DDR2: variants seen among roughly 807,000 people sequenced by gnomAD.
DDR2 encodes discoidin domain-containing receptor 2.
DDR2 carries 27 observed loss-of-function variants against 94.9 expected under a neutral mutation model. The observed-to-expected ratio is 0.28, with a 90% CI of 0.21 to 0.39. The LOEUF is 0.39. Ranked by LOEUF, DDR2 falls within the 10% of genes least tolerant of loss-of-function variation. The probability of loss-of-function intolerance (pLI) is 1.00; values close to 1 mark genes in which losing one functional copy is unlikely to be tolerated. For missense variants in DDR2, 783 were observed against 1,076.0 expected (o/e 0.73, Z 3.81); for synonymous variants, 382 against 377.2 (o/e 1.01, Z -0.15).
At chr1:162,767,445 G>A in intron 11 of DDR2, 86 bp downstream of exon 11, 2 of 1,553,842 alleles carry the variant, frequency 1.3e-6, no homozygotes, top group Non-Finnish European at 1.7e-6. Flanking sequence ...AAGGCAAATT[G>A]CAAACATTTA....
At chr1:162,741,727 A>G (rs993087130) in intron 3 of DDR2, 80 of 985,256 alleles carry the variant, frequency 8.1e-5, no homozygotes, top group Non-Finnish European at 9.5e-5. Context: ...GTGAAGTTCT[A>G]CATTATTAGT....
At chr1:162,640,435 G>A (rs766240291) in intron 1 of DDR2, among the ~76,000 whole-genome samples, 31 of 152,266 alleles carry the variant, frequency 2.0e-4, no homozygotes, top group Non-Finnish European at 3.7e-4. Flanking sequence ...TCAATAGTGA[G>A]GGAGGTTTTG....
rs1400480847 is a variant in DDR2 at position 162,754,997 on chromosome 1, G to A, written c.417+142G>A. ...CTTGTAAATGTGTGACCCAGGGTGA[G>A]GGAGGCAGGGAAGGAATATCAAGGC... On this transcript the variant is annotated intron_variant, in intron 5 of 17. Transcript: ENST00000367921. 5.7e-6 allele frequency: 8 copies of A among 1,411,408 alleles called. No individual in the cohort carries two copies. In the East Asian group the frequency reaches 1.7e-4, roughly 29 times the overall value. The allele number at this position is 1,411,408 out of a possible 1,614,324, so 87.4% of individuals were successfully genotyped here. A position where few individuals can be genotyped will look rare whatever the true frequency, so the allele number is the denominator to read the frequency against.
At chr1:162,633,407 G>T (rs1656655100) in intron 1 of DDR2, among the ~76,000 whole-genome samples, 1 of 152,204 alleles carries the variant, frequency 6.6e-6, no homozygotes, top group Non-Finnish European at 1.5e-5. Flanking sequence ...GTTCAAGCCA[G>T]TAGGGGGTTC....
chr1:162,725,228 T>C (rs913080516), intron 3 of DDR2, among the ~76,000 whole-genome samples: 2 of 152,158 alleles, frequency 1.3e-5, no homozygotes, highest in Non-Finnish European at 2.9e-5. Flanking sequence ...CAAGAAACAT[T>C]AGGTAACTCA....
At chr1:162,744,534 T>A (rs1349918454) in intron 3 of DDR2, among the ~76,000 whole-genome samples, 1 of 152,220 alleles carries the variant, frequency 6.6e-6, no homozygotes, top group African/African-American at 2.4e-5. Context: ...ATTATCATTA[T>A]ACTTTAAGTT....
At chr1:162,709,974 G>A (rs890258171) in intron 2 of DDR2, among the ~76,000 whole-genome samples, 1 of 152,172 alleles carries the variant, frequency 6.6e-6, no homozygotes, top group Admixed American at 6.5e-5. Flanking sequence ...AAATGAAGAC[G>A]TTAGATTTGA....
intron 2 of DDR2, among the ~76,000 whole-genome samples, chr1:162,665,315 CTG>C (rs910986890): frequency 5.3e-5 from 8 of 152,226 alleles, no homozygotes; most frequent in African/African-American, 1.7e-4. Context: ...GATGGAACAC[CTG>C]TAAAACAAGG....
intron 2 of DDR2, among the ~76,000 whole-genome samples, chr1:162,710,331 G>A (rs768389579): frequency 8.5e-5 from 13 of 152,144 alleles, no homozygotes; most frequent in Non-Finnish European, 1.5e-4. Context: ...AGATACTTAC[G>A]GAAGGGGTCA....
At chr1:162,772,305 C>G in intron 13 of DDR2, 58 bp downstream of exon 13, 1 of 1,552,704 alleles carries the variant, frequency 6.4e-7, no homozygotes. Flanking sequence ...TAAAAATGAT[C>G]AGTAGAACAA....
intron 2 of DDR2, among the ~76,000 whole-genome samples, chr1:162,709,572 T>C (rs1021309924): frequency 5.9e-5 from 9 of 152,210 alleles, no homozygotes; most frequent in African/African-American, 2.2e-4. Context: ...AGGGCTGGCA[T>C]GTTTCCTTGG....
chr1:162,689,841 T>TAAAAAAA (rs1558028580), intron 2 of DDR2, among the ~76,000 whole-genome samples: 2 of 14,698 alleles, frequency 1.4e-4, no homozygotes, highest in East Asian at 2.1e-3. Flanking sequence ...CCATCTCTAC[T>TAAAAAAA]TAAAAAAAAA....
At chr1:162,739,312 A>C (rs1483084252) in intron 3 of DDR2, among the ~76,000 whole-genome samples, 1 of 151,814 alleles carries the variant, frequency 6.6e-6, no homozygotes, top group Admixed American at 6.6e-5. Context: ...ATGAACAGAC[A>C]CTTCTCGTTT....
chr1:162,632,914 T>C (rs909841422), intron 1 of DDR2, among the ~76,000 whole-genome samples: 2 of 152,148 alleles, frequency 1.3e-5, no homozygotes, highest in Non-Finnish European at 2.9e-5. Context: ...CAAGATACAA[T>C]AAACAGTGTT....
At position 162,784,256 on chromosome 1, in the gene DDR2, G is replaced by A. The variant is rs1206391672; in HGVS notation, c.*4010G>A. ...TGGAAAGAGATGAAGATGTTCCAAG[G>A]AAGTATGCTGAAACAGAACAGTGAA... On this transcript the variant is annotated 3_prime_UTR_variant, in exon 18 of 18. Coordinates refer to ENST00000367921, the MANE Select transcript of DDR2 (RefSeq NM_006182.4). The A allele has an allele frequency of 6.5e-6, 1 of 154,012 alleles. No homozygotes were observed. Among genetic ancestry groups the A allele is most frequent in the Non-Finnish European group, 1.5e-5 (1 of 68,140 alleles). 9.5% of individuals were successfully genotyped at this position (154,012 alleles called of 1,614,324 possible). A position where few individuals can be genotyped will look rare whatever the true frequency, so the allele number is the denominator to read the frequency against.
intron 1 of DDR2, among the ~76,000 whole-genome samples, chr1:162,642,726 T>C (rs1262498476): frequency 6.6e-6 from 1 of 152,186 alleles, no homozygotes; most frequent in Non-Finnish European, 1.5e-5. Flanking sequence ...CCTTTCCTCA[T>C]GGGTGTGTTC....
At chr1:162,745,236 C>T (rs1176612057) in intron 3 of DDR2, among the ~76,000 whole-genome samples, 5 of 152,162 alleles carry the variant, frequency 3.3e-5, no homozygotes, top group African/African-American at 1.2e-4. Context: ...TGGATATTAA[C>T]CTTCAAATAT....
chr1:162,737,206 G>A (rs1361674093), intron 3 of DDR2, among the ~76,000 whole-genome samples: 2 of 138,890 alleles, frequency 1.4e-5, no homozygotes, highest in East Asian at 4.3e-4. Context: ...TGTGCACATT[G>A]TGCAGGTTAG....
intron 2 of DDR2, among the ~76,000 whole-genome samples, chr1:162,680,126 A>G (rs1339581914): frequency 6.6e-6 from 1 of 152,030 alleles, no homozygotes; most frequent in Non-Finnish European, 1.5e-5. Flanking sequence ...GCTGTGCAAA[A>G]TCTTTTTAAT....
Sources: allele counts gnomAD v4.1 joint callset (sites outside exome capture counted in the v4.1 genomes callset), GRCh38; gene constraint gnomAD v4.1.1; transcripts MANE v1.5; gene names NCBI Gene and HGNC (gene_info 2026-07-23, HGNC 2026-07-21).